Variants in CBFA2T3 observed in about 807,000 individuals in gnomAD.
CBFA2T3 encodes CBFA2/RUNX1 partner transcriptional co-repressor 3, also known as transcriptional corepressor CBFA2T3.
Under a neutral mutation model 58.6 loss-of-function variants are expected in CBFA2T3, and 31 were observed. The ratio of observed to expected loss-of-function variants is 0.53; its 90% CI spans 0.40 to 0.71. The LOEUF (loss-of-function observed/expected upper bound fraction) is 0.71, where lower values mean the gene tolerates loss of function less well. CBFA2T3 is among the 30% of genes least tolerant of loss of function. CBFA2T3 has a pLI of 0.00. For synonymous variants in CBFA2T3, 531 were observed against 421.9 expected (o/e 1.26, Z -3.17); for missense variants, 1,076 against 963.1 (o/e 1.12, Z -1.55).
chr16:88,976,734 G>A lies in CBFA2T3; in HGVS notation c.74C>T (p.Thr25Met), dbSNP rs146387733. 4.2e-5 allele frequency: 66 copies of A among 1,557,688 alleles called. No homozygotes were observed. The highest frequency in any genetic ancestry group is 2.2e-4 in the African/African-American group (16 of 73,740). ...SGSTCGSMSQ[T>M]HPVLESGLLA... ...GAGGCCGCTCTCCAGCACAGGGTGCGTCTGGGACATGGAGCCACAGGTGGA... is the reference window on the plus strand; with the variant it reads ...GAGGCCGCTCTCCAGCACAGGGTGCATCTGGGACATGGAGCCACAGGTGGA... The change falls in exon 1 of 12, where the codon ACG becomes ATG. Residue 25 changes from threonine (T) to methionine (M), a missense_variant. Coordinates refer to ENST00000268679, the MANE Select transcript of CBFA2T3 (RefSeq NM_005187.6).
chr16:88,882,877 G>A lies in CBFA2T3; in HGVS notation c.1118-116C>T, dbSNP rs541084536. ...CCCGTGGGCTGTGCCCGCTGGGGAC[G>A]ATGGACAGGGTAACCGAAGGGCTGG... On this transcript the variant is annotated intron_variant, in intron 7 of 11. Transcript: ENST00000268679. The A allele has an allele frequency of 4.5e-4, 327 of 730,034 alleles. 2 individuals are homozygous for A. The South Asian group carries it at 4.7e-3, about 10-fold the overall frequency. 45.2% of individuals were successfully genotyped at this position (730,034 alleles called of 1,614,324 possible).
Position 88,881,326 on chromosome 16 carries a change from C to G in CBFA2T3, c.1367G>C (p.Arg456Pro). 1 of 1,586,148 alleles carries G rather than the reference C, an allele frequency of 6.3e-7. No individual in the cohort carries two copies. Among genetic ancestry groups the G allele is most frequent in the Non-Finnish European group, 8.6e-7 (1 of 1,167,280 alleles). Residue 456 changes from arginine to proline, a missense_variant, in exon 9 of 12, where the codon CGC becomes CCC. Physicochemically the swap from Arg to Pro is moderately radical, Grantham distance 103. Coordinates refer to ENST00000268679, the MANE Select transcript of CBFA2T3 (RefSeq NM_005187.6). ...CCCTTCGGGACCGGCGGAGCTGCTG[C>G]GGGGCCGGGCCGCGGCGGGAGCGGG... ...KGPAPAAARP[R>P]SSSAGPEGPQ...
At chr16:88,933,112 G>A (rs1971372952) in intron 1 of CBFA2T3, among the ~76,000 whole-genome samples, 1 of 152,246 alleles carries the variant, frequency 6.6e-6, no homozygotes, top group African/African-American at 2.4e-5. Flanking sequence ...CAGGCCCTCA[G>A]TGTGCAAGTC....
At chr16:88,897,888 G>A (rs916375890) in intron 3 of CBFA2T3, among the ~76,000 whole-genome samples, 190 bp downstream of exon 3, 2 of 152,216 alleles carry the variant, frequency 1.3e-5, no homozygotes, top group African/African-American at 2.4e-5. Flanking sequence ...GGGATGCAGC[G>A]ACCCGGCGGC....
chr16:88,907,814 G>A (rs78887528), intron 1 of CBFA2T3, among the ~76,000 whole-genome samples: 1 of 152,212 alleles, frequency 6.6e-6, no homozygotes, highest in South Asian at 2.1e-4. Context: ...GGCTTTGCCT[G>A]TCCTTCCCAC....
intron 1 of CBFA2T3, among the ~76,000 whole-genome samples, chr16:88,904,792 T>TC (rs1970240354): frequency 6.6e-6 from 1 of 152,186 alleles, no homozygotes. Flanking sequence ...GTGTGAGTGC[T>TC]CCTGGCTGTG....
Position 88,884,919 on chromosome 16 carries a change from G to A in CBFA2T3, c.1117+127C>T. On this transcript the variant is annotated intron_variant, in intron 7 of 11. Transcript: ENST00000268679. Reference sequence around the variant, plus strand: ...AGGGGGAATGCCAGGCAGGGGGAAGGGGTCTCCCGAGCTCAGGTGCACACA... The same window carrying A: ...AGGGGGAATGCCAGGCAGGGGGAAGAGGTCTCCCGAGCTCAGGTGCACACA... The A allele has an allele frequency of 6.0e-6, 4 of 670,986 alleles. No individual in the cohort carries two copies. In the Admixed American group the frequency reaches 1.2e-4, roughly 20 times the overall value. 41.6% of individuals were successfully genotyped at this position (670,986 alleles called of 1,614,324 possible). A position where few individuals can be genotyped will look rare whatever the true frequency, so the allele number is the denominator to read the frequency against.
At chr16:88,886,425 G>T in intron 5 of CBFA2T3, 1 of 340,642 alleles carries the variant, frequency 2.9e-6, no homozygotes, top group Non-Finnish European at 5.3e-6. Flanking sequence ...TCCCAGGGTG[G>T]GGCTTTCCCA....
intron 1 of CBFA2T3, among the ~76,000 whole-genome samples, chr16:88,961,148 T>C (rs1972343954): frequency 6.6e-6 from 1 of 152,156 alleles, no homozygotes; most frequent in Non-Finnish European, 1.5e-5. Flanking sequence ...ATCTGGTGTC[T>C]CTAGAGCTTT....
In CBFA2T3 at chr16:88,879,417, C is replaced by G. The variant is rs1235748775; in HGVS notation, c.1515G>C (p.Leu505=). The part of the protein sequence containing the change: ...NEVKRQAMSE[L]QKAVSDAERK... ...GCTCCGCGTCCGACACGGCTTTCTG[C>G]AGCTCCGACATGGCCTGCCGCTTCA... The change falls in exon 11 of 12, where the codon CTG becomes CTC. Residue 505 remains leucine, a synonymous_variant. Transcript: ENST00000268679. 6.2e-7 allele frequency: 1 copy of G among 1,612,856 alleles called. No homozygotes were observed. Among genetic ancestry groups the G allele is most frequent in the East Asian group, 2.2e-5 (1 of 44,864 alleles).
chr16:88,917,808 AGAC>A (rs141984678), intron 1 of CBFA2T3, among the ~76,000 whole-genome samples: 1,584 of 152,334 alleles, frequency 0.01, 23 homozygotes, highest in African/African-American at 0.036. Flanking sequence ...ACACACATGC[AGAC>A]GAGAGTGTGC....
At chr16:88,919,782 C>A (rs1186254064) in intron 1 of CBFA2T3, among the ~76,000 whole-genome samples, 1 of 152,180 alleles carries the variant, frequency 6.6e-6, no homozygotes, top group Non-Finnish European at 1.5e-5. Flanking sequence ...GTCAGTGTCG[C>A]TCCACGTAAT....
chr16:88,925,141 G>C (rs1280740567), intron 1 of CBFA2T3, among the ~76,000 whole-genome samples: 1 of 152,244 alleles, frequency 6.6e-6, no homozygotes, highest in Non-Finnish European at 1.5e-5. Flanking sequence ...TGACCCTGGG[G>C]CAGCAGGCCA....
intron 1 of CBFA2T3, among the ~76,000 whole-genome samples, chr16:88,922,159 C>T (rs9930119): frequency 0.013 from 2,043 of 152,336 alleles, 46 homozygotes; most frequent in African/African-American, 0.047. Flanking sequence ...GGGGTACTTC[C>T]GGTCTAAGGG....
chr16:88,880,434 G>T (rs1257948149), intron 10 of CBFA2T3, among the ~76,000 whole-genome samples: 3 of 152,238 alleles, frequency 2.0e-5, no homozygotes, highest in Non-Finnish European at 4.4e-5. Flanking sequence ...CAGGCTCCGA[G>T]TGTGTGCGCT....
chr16:88,939,118 G>A (rs750599897), intron 1 of CBFA2T3: 3 of 152,196 alleles, frequency 2.0e-5, no homozygotes, highest in African/African-American at 4.8e-5. Context: ...ATGAAAATAC[G>A]TGGAGCCAAA....
chr16:88,902,763 G>A (rs991195369), intron 1 of CBFA2T3, among the ~76,000 whole-genome samples: 4 of 152,206 alleles, frequency 2.6e-5, no homozygotes, highest in Non-Finnish European at 4.4e-5. Context: ...TGAGACTTCG[G>A]GGGCCTCAGC....
chr16:88,975,181 T>TGTCAGAGGGCCACCCTGATC (rs1567643999), intron 1 of CBFA2T3, among the ~76,000 whole-genome samples: 1 of 47,762 alleles, frequency 2.1e-5, no homozygotes, highest in Non-Finnish European at 5.9e-5. Flanking sequence ...CTGCTCCACA[T>TGTCAGAGGGCCACCCTGATC]CTTTAGCCAT....
At chr16:88,928,813 A>G (rs1031977422) in intron 1 of CBFA2T3, among the ~76,000 whole-genome samples, 4 of 152,230 alleles carry the variant, frequency 2.6e-5, no homozygotes. Flanking sequence ...CTGGATGGCC[A>G]CTGAAAAGGT....
Sources: gnomAD v4.1 joint callset for allele counts (sites outside exome capture counted in the v4.1 genomes callset) on GRCh38, gnomAD v4.1.1 for gene constraint, MANE v1.5 for transcripts, NCBI Gene and HGNC (gene_info 2026-07-23, HGNC 2026-07-21) for gene names.